ZFAND1: variants seen among roughly 807,000 people sequenced by gnomAD.
ZFAND1 encodes AN1-type zinc finger protein 1.
A neutral mutation model predicts 38.5 loss-of-function variants in ZFAND1; 40 were observed. That is an observed-to-expected ratio of 1.04 (90% CI 0.81 to 1.35). The LOEUF (loss-of-function observed/expected upper bound fraction) is 1.35, where lower values mean the gene tolerates loss of function less well. Ranked by LOEUF, ZFAND1 falls within the 40% of genes most tolerant of loss-of-function variation. The pLI is 0.00. For synonymous variants in ZFAND1, 117 were observed against 103.6 expected (o/e 1.13, Z -0.78); for missense variants, 346 against 316.3 (o/e 1.09, Z -0.71).
intron 2 of ZFAND1, among the ~76,000 whole-genome samples, chr8:81,717,607 G>C (rs1305927499): frequency 6.6e-6 from 1 of 152,026 alleles, no homozygotes; most frequent in Non-Finnish European, 1.5e-5. Flanking sequence ...AATGTGAAAA[G>C]TGCTCTAATT....
At chr8:81,713,615 G>A (rs1808208590) in intron 6 of ZFAND1, among the ~76,000 whole-genome samples, 1 of 151,564 alleles carries the variant, frequency 6.6e-6, no homozygotes, top group Non-Finnish European at 1.5e-5. Context: ...GTTTATAATA[G>A]CAAAAAATTG....
chr8:81,718,336 T>C (rs1190987315), intron 1 of ZFAND1, 112 bp from the exon 2 acceptor site: 12 of 745,610 alleles, frequency 1.6e-5, no homozygotes, highest in Admixed American at 1.2e-4. Flanking sequence ...AATATCCTAG[T>C]GTAGCAAGCA....
Position 81,702,596 on chromosome 8 carries a change from A to T in ZFAND1, c.*99T>A, listed in dbSNP as rs979133011. ...ATAAGGGGAAATAAGTTAAAAAGCA[A>T]CTTTTAAAAATTACAAAAATAGTAT... is the stretch of plus-strand genomic sequence containing the variant. On this transcript the variant is annotated 3_prime_UTR_variant, in exon 8 of 8. Transcript: ENST00000220669. The T allele has an allele frequency of 3.1e-5, 32 of 1,039,036 alleles. No individual in the cohort carries two copies. Among genetic ancestry groups the T allele is most frequent in the Non-Finnish European group, 4.0e-5 (31 of 781,104 alleles). 64.4% of individuals were successfully genotyped at this position (1,039,036 alleles called of 1,614,324 possible).
chr8:81,716,046 A>G (rs2130431204), intron 3 of ZFAND1, among the ~76,000 whole-genome samples: 1 of 152,366 alleles, frequency 6.6e-6, no homozygotes, highest in Non-Finnish European at 1.5e-5. Flanking sequence ...CCTCAAATAG[A>G]TCACGTAAAC....
intron 5 of ZFAND1, 62 bp downstream of exon 5, chr8:81,714,742 G>C (rs1808247469): frequency 7.0e-7 from 1 of 1,422,846 alleles, no homozygotes; most frequent in Non-Finnish European, 9.9e-7. Flanking sequence ...TTGGAAAGTA[G>C]ATATAAGAAG....
chr8:81,709,430 G>T (rs1585923249), intron 6 of ZFAND1, among the ~76,000 whole-genome samples: 1 of 152,054 alleles, frequency 6.6e-6, no homozygotes, highest in East Asian at 1.9e-4. Context: ...TTGGTATATA[G>T]AAAGTATTTT....
intron 1 of ZFAND1, among the ~76,000 whole-genome samples, chr8:81,719,351 A>ACACACACACC (rs1808405772): frequency 1.3e-5 from 2 of 150,880 alleles, no homozygotes; most frequent in Non-Finnish European, 3.0e-5. Flanking sequence ...ACACACACAC[A>ACACACACACC]CACAAATTAG....
chr8:81,713,804 A>T, intron 6 of ZFAND1, 114 bp downstream of exon 6: 1 of 1,060,422 alleles, frequency 9.4e-7, no homozygotes, highest in Non-Finnish European at 1.4e-6. Flanking sequence ...ATGCAACATT[A>T]AGAATGATAC....
rs1368432531 is a variant in ZFAND1 at position 81,702,725 on chromosome 8, GA to G, written c.776del (p.Phe259SerfsTer40). On this transcript the variant is annotated frameshift_variant, in exon 8 of 8. Transcript: ENST00000220669. LOFTEE classifies it high-confidence loss of function. ...ILEYLNDEEQ[F>X]CKNVESYLE Reference sequence around the variant, plus strand: ...CCAAGTAAGATTCAACATTTTTACAGAATTGTTCTTCATCATTAAGATATTC... The same window carrying G: ...CCAAGTAAGATTCAACATTTTTACAGATTGTTCTTCATCATTAAGATATTC... 1.3e-6 allele frequency: 2 copies of G among 1,565,088 alleles called. No individual in the cohort carries two copies. The highest frequency in any genetic ancestry group is 1.7e-6 in the Non-Finnish European group (2 of 1,159,452).
At chr8:81,714,777 A>G (rs1434935448) in intron 5 of ZFAND1, 27 bp downstream of exon 5, 1 of 1,605,266 alleles carries the variant, frequency 6.2e-7, no homozygotes, top group South Asian at 1.1e-5. Context: ...CTAGGAAAGC[A>G]ACAAAACACG....
rs1166503255 is a variant in ZFAND1, at chr8:81,721,272, A to G, written c.10T>C (p.Leu4=). The G allele has an allele frequency of 3.9e-6, 6 of 1,548,786 alleles. No homozygotes were observed. The African/African-American group carries it at 5.5e-5, about 14-fold the overall frequency. Residue 4 remains leucine (L), a synonymous_variant, in exon 1 of 8, where the codon TTG becomes CTG. Coordinates refer to ENST00000220669, the MANE Select transcript of ZFAND1 (RefSeq NM_024699.3). ...ACCTGGCAGTGCTGCCCGATGTCCAACTCCGCCATCTCTCCGGCGCCGTAA... is the reference window on the plus strand; with the variant it reads ...ACCTGGCAGTGCTGCCCGATGTCCAGCTCCGCCATCTCTCCGGCGCCGTAA... MAE[L]DIGQHCQVEH...
At chr8:81,718,486 T>G (rs556519443) in intron 1 of ZFAND1, among the ~76,000 whole-genome samples, 1 of 152,102 alleles carries the variant, frequency 6.6e-6, no homozygotes, top group African/African-American at 2.4e-5. Flanking sequence ...TTCTTTTTCT[T>G]TTTTGTTTTG....
intron 6 of ZFAND1, among the ~76,000 whole-genome samples, chr8:81,708,590 T>C (rs1192943521): frequency 6.6e-6 from 1 of 151,994 alleles, no homozygotes; most frequent in Non-Finnish European, 1.5e-5. Context: ...CTAAAAAACA[T>C]ATTAAAAGTT....
At chr8:81,708,867 G>T (rs1339973417) in intron 6 of ZFAND1, 2 of 1,091,056 alleles carry the variant, frequency 1.8e-6, no homozygotes, top group Non-Finnish European at 1.2e-6. Flanking sequence ...CAGAAGAGCT[G>T]CAAGTACTAA....
intron 6 of ZFAND1, among the ~76,000 whole-genome samples, chr8:81,706,113 A>G (rs1242606863): frequency 1.3e-5 from 2 of 152,156 alleles, no homozygotes; most frequent in African/African-American, 4.8e-5. Context: ...GGAAAATATC[A>G]CAAGAAATCT....
At chr8:81,719,965 T>C (rs986600668) in intron 1 of ZFAND1, among the ~76,000 whole-genome samples, 4 of 151,672 alleles carry the variant, frequency 2.6e-5, no homozygotes, top group Admixed American at 6.5e-5. Flanking sequence ...TGGTGAAAGA[T>C]AGATAGATAG....
At chr8:81,710,306 G>A (rs1782893382) in intron 6 of ZFAND1, among the ~76,000 whole-genome samples, 1 of 152,158 alleles carries the variant, frequency 6.6e-6, no homozygotes, top group Non-Finnish European at 1.5e-5. Context: ...TCTTTTGATA[G>A]TTATACTTGT....
intron 3 of ZFAND1, 84 bp downstream of exon 3, chr8:81,717,161 TACTG>T (rs1432602743): frequency 7.0e-6 from 8 of 1,135,710 alleles, no homozygotes; most frequent in Non-Finnish European, 9.9e-6. Context: ...TAATCTGTGA[TACTG>T]ACTGCCTTTA....
chr8:81,710,370 A>C (rs1808106850), intron 6 of ZFAND1, among the ~76,000 whole-genome samples: 1 of 152,260 alleles, frequency 6.6e-6, no homozygotes, highest in Admixed American at 6.5e-5. Context: ...AATTTCAAAA[A>C]AGGAAAATAT....
Sources: gnomAD v4.1 joint callset for allele counts (sites outside exome capture counted in the v4.1 genomes callset) on GRCh38, gnomAD v4.1.1 for gene constraint, MANE v1.5 for transcripts, NCBI Gene and HGNC (gene_info 2026-07-23, HGNC 2026-07-21) for gene names.